The following NRXN1 variants were observed in gnomAD, a reference collection of about 807,000 sequenced individuals.
NRXN1 encodes the protein neurexin 1.
NRXN1 carries 39 observed loss-of-function variants against 150.9 expected under a neutral mutation model. The observed-to-expected ratio is 0.26, with a 90% confidence interval of 0.20 to 0.34. The LOEUF (loss-of-function observed/expected upper bound fraction) is 0.34. Among genes scored for constraint, NRXN1 ranks in the 10% least tolerant of loss-of-function variants. The probability of loss-of-function intolerance (pLI) is 1.00; values close to 1 mark genes in which losing one functional copy is unlikely to be tolerated. For synonymous variants in NRXN1, 924 were observed against 757.0 expected (o/e 1.22, Z -3.62); for missense variants, 1,815 against 1,949.9 (o/e 0.93, Z 1.30).
intron 17 of NRXN1, among the ~76,000 whole-genome samples, chr2:50,369,138 G>A (rs951575653): frequency 2.0e-5 from 3 of 151,830 alleles, no homozygotes; most frequent in African/African-American, 7.3e-5. Flanking sequence ...ATAGACTTAT[G>A]GCTATAATCC....
At chr2:50,167,398 G>A (rs1047580912) in intron 18 of NRXN1, among the ~76,000 whole-genome samples, 1 of 151,896 alleles carries the variant, frequency 6.6e-6, no homozygotes, top group Non-Finnish European at 1.5e-5. Context: ...ATCTTGTCCT[G>A]CCTCCCCCCC....
At chr2:50,382,676 G>T (rs545660642) in intron 17 of NRXN1, among the ~76,000 whole-genome samples, 2 of 152,114 alleles carry the variant, frequency 1.3e-5, no homozygotes, top group African/African-American at 4.8e-5. Context: ...ACTCCAAAGC[G>T]GAAGGAAAAG....
At chr2:50,081,387 G>A (rs962261458) in intron 19 of NRXN1, among the ~76,000 whole-genome samples, 2 of 151,920 alleles carry the variant, frequency 1.3e-5, no homozygotes, top group Non-Finnish European at 2.9e-5. Flanking sequence ...GACCATCCTG[G>A]TCAACGTGGT....
chr2:49,997,775 C>G (rs1040022013), intron 21 of NRXN1, among the ~76,000 whole-genome samples: 1 of 152,066 alleles, frequency 6.6e-6, no homozygotes, highest in Non-Finnish European at 1.5e-5. Context: ...TATCTTACAG[C>G]CTGTTCCTAG....
At chr2:50,941,718 T>G (rs2104492448) in intron 2 of NRXN1, among the ~76,000 whole-genome samples, 1 of 152,242 alleles carries the variant, frequency 6.6e-6, no homozygotes, top group East Asian at 1.9e-4. Context: ...GTCACATACG[T>G]TCACAAACAG....
At chr2:50,546,489 C>G (rs563995236) in intron 9 of NRXN1, among the ~76,000 whole-genome samples, 24 of 152,182 alleles carry the variant, frequency 1.6e-4, no homozygotes, top group Non-Finnish European at 2.9e-5. Flanking sequence ...CTTAGATGAT[C>G]TTGAGCAAAA....
chr2:49,958,693 T>C (rs1272099037), intron 21 of NRXN1, among the ~76,000 whole-genome samples: 3 of 152,208 alleles, frequency 2.0e-5, no homozygotes, highest in Admixed American at 6.5e-5. Context: ...GTCATTTTTA[T>C]GAGCACGAGG....
At position 50,038,714 on chromosome 2, in the gene NRXN1, AAAG is replaced by A. The variant is rs990397999; in HGVS notation, c.4128+14554_4128+14556del. Among the ~76,000 whole-genome samples, 5 of 151,972 alleles carry A rather than the reference AAAG, an allele frequency of 3.3e-5. No individual in the cohort carries two copies. In the South Asian group the frequency reaches 6.2e-4, roughly 19 times the overall value. ...GCTAAATAACCACCTAAAATATAGA[AAAG>A]AATAGTTTTCTCCGTCCTTCCCTCC... On this transcript the variant is annotated intron_variant, in intron 21 of 22. Coordinates refer to ENST00000401669, the MANE Select transcript of NRXN1 (RefSeq NM_001330078.2).
intron 17 of NRXN1, among the ~76,000 whole-genome samples, chr2:50,245,752 T>A (rs34307425): frequency 0.13 from 19,357 of 149,064 alleles, 1,334 homozygotes; most frequent in African/African-American, 0.17. Context: ...ATGTCCAGTT[T>A]AAAAAAAAAA....
At chr2:49,984,930 C>T (rs1378951266) in intron 21 of NRXN1, among the ~76,000 whole-genome samples, 1 of 152,160 alleles carries the variant, frequency 6.6e-6, no homozygotes, top group African/African-American at 2.4e-5. Context: ...CCTATTTGGG[C>T]ATCCATTCCT....
At chr2:50,072,224 C>T (rs1483482963) in intron 19 of NRXN1, among the ~76,000 whole-genome samples, 9 of 152,110 alleles carry the variant, frequency 5.9e-5, no homozygotes, top group Non-Finnish European at 7.4e-5. Flanking sequence ...ACCTGCTACG[C>T]GGATGACTGC....
intron 2 of NRXN1, among the ~76,000 whole-genome samples, chr2:50,942,003 A>G (rs1689527635): frequency 6.6e-6 from 1 of 152,182 alleles, no homozygotes; most frequent in Non-Finnish European, 1.5e-5. Context: ...GGCTAGTCAC[A>G]TGGCCCAGCT....
In NRXN1 at chr2:50,538,510, G is replaced by A; in HGVS notation, c.1886C>T (p.Thr629Ile). 1 of 1,607,368 alleles carries A rather than the reference G, an allele frequency of 6.2e-7. No homozygotes were observed. Among genetic ancestry groups the A allele is most frequent in the Non-Finnish European group, 8.5e-7 (1 of 1,175,286 alleles). ...PENKAGLVFPTEVWTALLNYG... is the reference protein window; with the variant it reads ...PENKAGLVFPIEVWTALLNYG... ...GTTGAGCAGAGCAGTCCACACCTCG[G>A]TGGGGAAGACAAGGCCAGCTTTATT... Residue 629 changes from threonine to isoleucine, a missense_variant, in exon 10 of 23, where the codon ACC becomes ATC. Physicochemically the swap from Thr to Ile is moderately conservative, Grantham distance 89 (BLOSUM62 -1). Transcript: ENST00000401669.
chr2:50,149,578 T>C (rs192005966), intron 18 of NRXN1, among the ~76,000 whole-genome samples: 3 of 151,726 alleles, frequency 2.0e-5, no homozygotes, highest in Admixed American at 6.6e-5. Flanking sequence ...TGGGCTCCCA[T>C]AGCACCTTGT....
At chr2:50,486,211 T>C (rs994927166) in intron 15 of NRXN1, among the ~76,000 whole-genome samples, 2 of 152,144 alleles carry the variant, frequency 1.3e-5, no homozygotes, top group African/African-American at 4.8e-5. Flanking sequence ...ACATAAGCCC[T>C]TAACATGATG....
chr2:50,470,873 T>TACA (rs1419828328), intron 16 of NRXN1, among the ~76,000 whole-genome samples: 4 of 151,794 alleles, frequency 2.6e-5, no homozygotes, highest in Admixed American at 6.6e-5. Context: ...GATCTTGGTC[T>TACA]GATAGAGAGC....
intron 21 of NRXN1, among the ~76,000 whole-genome samples, chr2:49,996,296 G>A (rs1897924): frequency 0.36 from 55,271 of 151,932 alleles, 10,684 homozygotes; most frequent in South Asian, 0.44. Flanking sequence ...TGTAGAGAAG[G>A]TAGAAGAACA....
intron 18 of NRXN1, among the ~76,000 whole-genome samples, chr2:50,227,648 A>T (rs1415057774): frequency 6.6e-6 from 1 of 152,214 alleles, no homozygotes; most frequent in Middle Eastern, 3.4e-3. Flanking sequence ...ATTTTATAAC[A>T]ATCATTCTGG....
intron 21 of NRXN1, among the ~76,000 whole-genome samples, chr2:50,030,650 C>T (rs1391758879): frequency 1.3e-5 from 2 of 152,078 alleles, no homozygotes; most frequent in African/African-American, 4.8e-5. Flanking sequence ...TTGTCTAGCA[C>T]ATTTTTCTTT....
Sources: gnomAD v4.1 joint callset for allele counts (sites outside exome capture counted in the v4.1 genomes callset) on GRCh38, gnomAD v4.1.1 for gene constraint, MANE v1.5 for transcripts, NCBI Gene and HGNC (gene_info 2026-07-23, HGNC 2026-07-21) for gene names.